DSCAM: variants seen among roughly 807,000 people sequenced by gnomAD.
The protein encoded by DSCAM is cell adhesion molecule DSCAM.
DSCAM carries 47 observed loss-of-function variants against 217.7 expected under a neutral mutation model. That is an observed-to-expected ratio of 0.22 (90% CI 0.17 to 0.28). DSCAM has a LOEUF of 0.28. Among genes scored for constraint, DSCAM ranks in the 10% least tolerant of loss-of-function variants. DSCAM has a pLI of 1.00. For synonymous variants in DSCAM, 1,056 were observed against 1,015.3 expected, an observed-to-expected ratio of 1.04 and a Z score of -0.76; for missense variants, 2,080 against 2,618.3, an observed-to-expected ratio of 0.79 and a Z score of 4.49.
intron 12 of DSCAM, 148 bp from the exon 13 acceptor site, chr21:40,188,135 A>C (rs897309781): frequency 6.7e-6 from 4 of 601,310 alleles, no homozygotes; most frequent in Non-Finnish European, 1.2e-5. Context: ...CACTCACAAA[A>C]CCCCCATTCC....
intron 3 of DSCAM, among the ~76,000 whole-genome samples, chr21:40,661,888 A>G (rs2090142320): frequency 6.6e-6 from 1 of 152,252 alleles, no homozygotes; most frequent in South Asian, 2.1e-4. Flanking sequence ...TGTTTGGCAA[A>G]TAAGTGTAAA....
chr21:40,154,323 G>A (rs1196984290), intron 16 of DSCAM, among the ~76,000 whole-genome samples: 2 of 151,630 alleles, frequency 1.3e-5, no homozygotes, highest in African/African-American at 4.9e-5. Context: ...TGGGATCATG[G>A]CTCACTGCAG....
intron 3 of DSCAM, among the ~76,000 whole-genome samples, chr21:40,578,727 C>T (rs764134166): frequency 1.3e-5 from 2 of 152,140 alleles, no homozygotes; most frequent in East Asian, 1.9e-4. Flanking sequence ...GGCTTCACTC[C>T]TGAAGTCAGC....
At chr21:40,514,611 G>A (rs1024790809) in intron 3 of DSCAM, among the ~76,000 whole-genome samples, 15 of 152,294 alleles carry the variant, frequency 9.8e-5, no homozygotes, top group African/African-American at 3.6e-4. Flanking sequence ...ATCTAATGGT[G>A]TAAATAAGAT....
At chr21:40,221,425 T>C (rs2091288240) in intron 11 of DSCAM, among the ~76,000 whole-genome samples, 1 of 148,558 alleles carries the variant, frequency 6.7e-6, no homozygotes, top group East Asian at 1.9e-4. Flanking sequence ...TATACATACG[T>C]AATAGGATTA....
intron 8 of DSCAM, among the ~76,000 whole-genome samples, chr21:40,318,951 G>A (rs1178909558): frequency 1.3e-5 from 2 of 152,128 alleles, no homozygotes; most frequent in African/African-American, 4.8e-5. Flanking sequence ...GGAAGGACAG[G>A]GAAGGACAAG....
chr21:40,735,891 G>A (rs894531097), intron 1 of DSCAM, among the ~76,000 whole-genome samples: 1 of 152,064 alleles, frequency 6.6e-6, no homozygotes, highest in African/African-American at 2.4e-5. Context: ...CTACCCAGAG[G>A]TAGTGCAGAC....
At position 40,144,150 on chromosome 21, in the gene DSCAM, T is replaced by G. The variant is rs1383569838; in HGVS notation, c.3259+341A>C. ...CCTTCTTAACATTTGGGAGAAAGTT[T>G]TTTAGCAAATAGCATTTCTGCATTC... is the stretch of plus-strand genomic sequence containing the variant. On this transcript the variant is annotated intron_variant, in intron 17 of 32. Coordinates refer to ENST00000400454, the MANE Select transcript of DSCAM (RefSeq NM_001389.5). The surrounding 1 kb of genome is among the most constrained non-coding windows in gnomAD (Gnocchi z 4.8). Among the ~76,000 whole-genome samples the G allele has an allele frequency of 6.6e-6, 1 of 152,244 alleles. No individual in the cohort carries two copies. Among genetic ancestry groups the G allele is most frequent in the Non-Finnish European group, 1.5e-5 (1 of 68,046 alleles).
intron 8 of DSCAM, among the ~76,000 whole-genome samples, chr21:40,337,409 A>T (rs928770321): frequency 1.1e-4 from 17 of 152,226 alleles, no homozygotes; most frequent in African/African-American, 3.6e-4. Flanking sequence ...CAGGAAACTG[A>T]CTTGTAGAAT....
chr21:40,637,138 A>T (rs11702608), intron 3 of DSCAM, among the ~76,000 whole-genome samples: 673 of 34,818 alleles, frequency 0.019, 17 homozygotes, highest in East Asian at 0.025. Context: ...TAAATATATA[A>T]ATATATATAT....
intron 3 of DSCAM, among the ~76,000 whole-genome samples, chr21:40,612,600 G>A (rs1246572471): frequency 6.6e-6 from 1 of 152,212 alleles, no homozygotes; most frequent in Non-Finnish European, 1.5e-5. Context: ...TTGCTCCACT[G>A]AGTCCTGTCC....
At chr21:40,477,165 C>T (rs2075944015) in intron 3 of DSCAM, among the ~76,000 whole-genome samples, 1 of 152,022 alleles carries the variant, frequency 6.6e-6, no homozygotes. Context: ...CAAAATATAC[C>T]TGTTCAAACC....
rs182256606 is a variant in DSCAM, at chr21:40,349,563, T to C, written c.935-1618A>G. ...TTTGTGGTGCAGCTAGCTTGTGCTA[T>C]AAAATTATCGACTATCTTTCATACA... On this transcript the variant is annotated intron_variant, in intron 5 of 32. Coordinates refer to ENST00000400454, the MANE Select transcript of DSCAM (RefSeq NM_001389.5). 1.8e-3 allele frequency among the ~76,000 whole-genome samples: 268 copies of C among 152,320 alleles called. 2 individuals carry two copies. Among genetic ancestry groups the C allele is most frequent in the African/African-American group, 4.9e-3 (205 of 41,582 alleles).
chr21:40,347,700 C>A lies in DSCAM; in HGVS notation c.1180G>T (p.Ala394Ser), dbSNP rs762944210. 2 of 1,613,954 alleles carry A rather than the reference C, an allele frequency of 1.2e-6. No homozygotes were observed. Among genetic ancestry groups the A allele is most frequent in the Admixed American group, 3.3e-5 (2 of 60,000 alleles). ...QCFVRKDKLS[A>S]QDYVQVVLED... is the part of the protein sequence containing the mutation. The stretch of plus-strand genomic sequence containing the variant: ...AGGACCACCTGCACATAGTCTTGAG[C>A]GGACAGCTTGTCCTTGCGCACAAAG... The change falls in exon 6 of 33, where the codon GCT becomes TCT. Residue 394 changes from alanine (A) to serine (S), a missense_variant. Around this residue, in one of 5 missense-constraint regions of DSCAM, gnomAD observed 568 missense variants for 678.1 expected, o/e 0.84. Coordinates refer to ENST00000400454, the MANE Select transcript of DSCAM (RefSeq NM_001389.5).
chr21:40,809,500 C>T (rs1015614618), intron 1 of DSCAM, among the ~76,000 whole-genome samples: 2 of 152,074 alleles, frequency 1.3e-5, no homozygotes, highest in Admixed American at 1.3e-4. Context: ...GTGAATCCTA[C>T]GTTATGTAAA....
At chr21:40,135,239 C>G (rs11911391) in intron 18 of DSCAM, among the ~76,000 whole-genome samples, 155 of 152,320 alleles carry the variant, frequency 1.0e-3, no homozygotes, top group African/African-American at 3.7e-3. Flanking sequence ...TTGAACAGCT[C>G]TGATTTGGCA....
Position 40,443,613 on chromosome 21 carries a change from T to C in DSCAM, c.509-74368A>G, listed in dbSNP as rs142823774. Among the ~76,000 whole-genome samples the C allele has an allele frequency of 1.8e-3, 276 of 152,348 alleles. 4 individuals are homozygous for C. Among genetic ancestry groups the C allele is most frequent in the East Asian group, 0.018 (93 of 5,186 alleles). On this transcript the variant is annotated intron_variant, in intron 3 of 32. Coordinates refer to ENST00000400454, the MANE Select transcript of DSCAM (RefSeq NM_001389.5). Reference sequence around the variant, plus strand: ...TGTTATGTCCAATATGAGTTCAACATTATTTTTAAATAGTAAATTCACATT... The same window carrying C: ...TGTTATGTCCAATATGAGTTCAACACTATTTTTAAATAGTAAATTCACATT...
intron 20 of DSCAM, among the ~76,000 whole-genome samples, chr21:40,113,222 G>A (rs1169111162): frequency 6.6e-6 from 1 of 152,168 alleles, no homozygotes; most frequent in East Asian, 1.9e-4. Flanking sequence ...CCATGATCAA[G>A]TGGGCTTCAT....
chr21:40,598,023 A>G (rs1479658373), intron 3 of DSCAM, among the ~76,000 whole-genome samples: 1 of 152,172 alleles, frequency 6.6e-6, no homozygotes, highest in East Asian at 1.9e-4. Context: ...ACAAATGTAT[A>G]ATGTCATGTA....
Sources: gnomAD v4.1 joint callset for allele counts (sites outside exome capture counted in the v4.1 genomes callset) on GRCh38, gnomAD v4.1.1 for gene constraint, gnomAD v4.1.1 regional missense constraint, Gnocchi (gnomAD v3.1) non-coding constraint, MANE v1.5 for transcripts, NCBI Gene and HGNC (gene_info 2026-07-23, HGNC 2026-07-21) for gene names.